Variants in UBE2J2 observed in about 807,000 individuals in gnomAD.
UBE2J2 encodes ubiquitin-conjugating enzyme E2 J2.
UBE2J2 carries 5 observed loss-of-function variants against 28.6 expected under a neutral mutation model. The observed-to-expected ratio is 0.17, with a 90% CI of 0.09 to 0.37. The LOEUF (loss-of-function observed/expected upper bound fraction) is 0.37, where lower values mean the gene tolerates loss of function less well. UBE2J2 is among the 10% of genes least tolerant of loss of function. The pLI, the probability that UBE2J2 is intolerant of heterozygous loss-of-function variation, is 1.00. For synonymous variants in UBE2J2, 138 were observed against 139.7 expected, an observed-to-expected ratio of 0.99 and a Z score of 0.09; for missense variants, 226 against 338.9, an observed-to-expected ratio of 0.67 and a Z score of 2.62.
intron 2 of UBE2J2, 112 bp downstream of exon 2, chr1:1,267,750 G>T: frequency 6.4e-7 from 1 of 1,555,934 alleles, no homozygotes. Context: ...GAGGGTGCAG[G>T]AGCACCTTGC....
At chr1:1,264,196 G>A (rs1254684015) in intron 2 of UBE2J2, among the ~76,000 whole-genome samples, 1 of 152,172 alleles carries the variant, frequency 6.6e-6, no homozygotes, top group Admixed American at 6.5e-5. Context: ...GAACTGCCGT[G>A]ATTGTGTCCA....
At chr1:1,263,811 A>T (rs967101531) in intron 2 of UBE2J2, among the ~76,000 whole-genome samples, 1 of 150,336 alleles carries the variant, frequency 6.7e-6, no homozygotes. Context: ...TAGGCAACAT[A>T]GCAAGACCCC....
Position 1,256,977 on chromosome 1 carries a change from G to A in UBE2J2, c.414+15C>T, listed in dbSNP as rs143623424. On this transcript the variant is annotated intron_variant, in intron 5 of 6. Transcript: ENST00000349431. ...CAAGGCTGACGGCCCACCAGGGAGA[G>A]GCTCTAAAACTTACCGTGAAGTCCG... is the stretch of plus-strand genomic sequence containing the variant. 1.1e-4 allele frequency: 170 copies of A among 1,487,008 alleles called. No homozygotes were observed. The African/African-American group carries it at 2.1e-3, about 18-fold the overall frequency. 92.1% of individuals were successfully genotyped at this position (1,487,008 alleles called of 1,614,324 possible).
intron 2 of UBE2J2, among the ~76,000 whole-genome samples, chr1:1,265,215 GA>G (rs1639779976): frequency 6.6e-6 from 1 of 152,174 alleles, no homozygotes; most frequent in East Asian, 1.9e-4. Flanking sequence ...CCTTTTCTGG[GA>G]AAGCAGTCTT....
chr1:1,270,993 G>A (rs554111281), intron 1 of UBE2J2, among the ~76,000 whole-genome samples: 46 of 152,284 alleles, frequency 3.0e-4, no homozygotes, highest in African/African-American at 7.7e-4. Context: ...GGCCCTTCCC[G>A]GCATAGCCAG....
intron 2 of UBE2J2, chr1:1,266,305 A>T (rs1367511639): frequency 1.4e-6 from 1 of 731,906 alleles, no homozygotes; most frequent in Non-Finnish European, 1.9e-6. Context: ...AATTAAAAAA[A>T]ATTAGGCCAG....
At chr1:1,255,933 C>T in intron 6 of UBE2J2, 112 bp downstream of exon 6, 2 of 808,346 alleles carry the variant, frequency 2.5e-6, no homozygotes, top group Non-Finnish European at 2.1e-6. Context: ...GGAGAGGAGC[C>T]ATCCCCTGGG....
At chr1:1,258,760 C>CAGGGA (rs1392345288) in intron 3 of UBE2J2, among the ~76,000 whole-genome samples, 1 of 152,256 alleles carries the variant, frequency 6.6e-6, no homozygotes, top group Non-Finnish European at 1.5e-5. Flanking sequence ...CTGTTGGCCC[C>CAGGGA]ACCTTCAAAT....
Position 1,260,544 on chromosome 1 carries a change from G to A in UBE2J2, c.172+2802C>T, listed in dbSNP as rs867577099. ...ATCCCACTGCTTGTCACCCGCCAGA[G>A]AAACCCAAGACAAAGGCACCAAGAG... On this transcript the variant is annotated intron_variant, in intron 3 of 6. Transcript: ENST00000349431. 2.4e-4 allele frequency among the ~76,000 whole-genome samples: 37 copies of A among 152,324 alleles called. 1 individual carries two copies. The highest frequency in any genetic ancestry group is 5.2e-4 in the Admixed American group (8 of 15,302).
At chr1:1,258,933 C>A (rs1639373744) in intron 3 of UBE2J2, among the ~76,000 whole-genome samples, 1 of 152,248 alleles carries the variant, frequency 6.6e-6, no homozygotes, top group East Asian at 1.9e-4. Flanking sequence ...CAACCCCAAC[C>A]AGAGGACCAC....
chr1:1,259,064 T>C (rs369439140), intron 3 of UBE2J2, among the ~76,000 whole-genome samples: 2 of 150,544 alleles, frequency 1.3e-5, no homozygotes, highest in African/African-American at 4.9e-5. Flanking sequence ...CGTGTGTGCA[T>C]GTGTGTGTGC....
At chr1:1,261,037 G>A (rs1168962276) in intron 3 of UBE2J2, among the ~76,000 whole-genome samples, 1 of 152,228 alleles carries the variant, frequency 6.6e-6, no homozygotes, top group Non-Finnish European at 1.5e-5. Context: ...GCACAGGCAG[G>A]AAAAGGGGTC....
In UBE2J2 at chr1:1,255,419, G is replaced by A. The variant is rs370747422; in HGVS notation, c.564C>T (p.Asp188=). The change falls in exon 7 of 7, where the codon GAC becomes GAT. Residue 188 remains aspartate, a synonymous_variant. Transcript: ENST00000349431. ...GGTGCGTCTCCCCGTCTGGAACCAC[G>A]TCTGGCAAGGGGAGAGTCTGGGGTC... The part of the protein sequence containing the change: ...SSRPQTLPLP[D]VVPDGETHLV... The A allele has an allele frequency of 1.5e-5, 25 of 1,613,934 alleles. No homozygotes were observed. Among genetic ancestry groups the A allele is most frequent in the Admixed American group, 1.0e-4 (6 of 60,028 alleles).
rs772270182 is a variant in UBE2J2, at chr1:1,267,961, G to A, written c.32C>T (p.Thr11Ile). Reference protein sequence around the residue: MSSTSSKRAPTTATQRLKQDY... With the variant: MSSTSSKRAPITATQRLKQDY... ...CTGCTTCAGCCTCTGGGTTGCCGTG[G>A]TCGGAGCCCTCTTACTGCTGGTGCT... The change falls in exon 2 of 7, where the codon ACC becomes ATC. Residue 11 changes from threonine to isoleucine, a missense_variant. Thr to Ile is a moderately conservative substitution (Grantham distance 89). This residue lies in a region of UBE2J2 where 80 missense variants were observed against 114.5 expected (regional missense o/e 0.70). Coordinates refer to ENST00000349431, the MANE Select transcript of UBE2J2 (RefSeq NM_058167.3). The A allele has an allele frequency of 3.1e-6, 5 of 1,613,960 alleles. No individual in the cohort carries two copies. The highest frequency in any genetic ancestry group is 4.2e-6 in the Non-Finnish European group (5 of 1,179,998).
chr1:1,265,645 GT>G (rs1347015598), intron 2 of UBE2J2, among the ~76,000 whole-genome samples: 4 of 149,832 alleles, frequency 2.7e-5, no homozygotes, highest in Non-Finnish European at 4.4e-5. Context: ...GTGTGTGTGT[GT>G]GTGGTGGAGT....
At chr1:1,260,365 G>A (rs1419411029) in intron 3 of UBE2J2, among the ~76,000 whole-genome samples, 3 of 152,256 alleles carry the variant, frequency 2.0e-5, no homozygotes, top group African/African-American at 7.2e-5. Context: ...ATGGGCAAGA[G>A]TGACTTACAC....
chr1:1,260,916 T>C (rs1639520339), intron 3 of UBE2J2, among the ~76,000 whole-genome samples: 2 of 152,226 alleles, frequency 1.3e-5, no homozygotes, highest in South Asian at 4.1e-4. Context: ...AGGGGAATGA[T>C]TTAGCAACAT....
intron 1 of UBE2J2, among the ~76,000 whole-genome samples, chr1:1,272,096 G>C (rs1233996882): frequency 1.3e-5 from 2 of 151,592 alleles, no homozygotes; most frequent in Non-Finnish European, 2.9e-5. Flanking sequence ...GGAGGCTGTA[G>C]TGAACTGAGA....
chr1:1,254,105 C>G lies in UBE2J2; in HGVS notation c.*1098G>C, dbSNP rs911989530. The G allele has an allele frequency of 6.6e-6, 1 of 152,164 alleles. No individual in the cohort carries two copies. The highest frequency in any genetic ancestry group is 1.5e-5 in the Non-Finnish European group (1 of 68,018). The allele number at this position is 152,164 out of a possible 1,614,324, so 9.4% of individuals were successfully genotyped here. A position where few individuals can be genotyped will look rare whatever the true frequency, so the allele number is the denominator to read the frequency against. On this transcript the variant is annotated 3_prime_UTR_variant, in exon 7 of 7. Coordinates refer to ENST00000349431, the MANE Select transcript of UBE2J2 (RefSeq NM_058167.3). Reference sequence around the variant, plus strand: ...TCTTGCCGGCGGCCGTGCCCCACCTCGACGCGATGCACCTGCGGTACATCC... The same window carrying G: ...TCTTGCCGGCGGCCGTGCCCCACCTGGACGCGATGCACCTGCGGTACATCC...
Sources: gnomAD v4.1 joint callset for allele counts (sites outside exome capture counted in the v4.1 genomes callset) on GRCh38, gnomAD v4.1.1 for gene constraint, gnomAD v4.1.1 regional missense constraint, MANE v1.5 for transcripts, NCBI Gene and HGNC (gene_info 2026-07-23, HGNC 2026-07-21) for gene names.